Variants in RAB3IP observed in about 807,000 individuals in gnomAD.
RAB3IP encodes the protein rab-3A-interacting protein.
Under a neutral mutation model 59.1 loss-of-function variants are expected in RAB3IP, and 36 were observed. The observed-to-expected ratio is 0.61, with a 90% confidence interval of 0.47 to 0.80. The LOEUF (loss-of-function observed/expected upper bound fraction) is 0.80, where lower values mean the gene tolerates loss of function less well. RAB3IP is among the 30% of genes least tolerant of loss of function. RAB3IP has a pLI of 0.00. For synonymous variants in RAB3IP, 207 were observed against 191.2 expected (o/e 1.08, Z -0.68); for missense variants, 511 against 536.0 (o/e 0.95, Z 0.46).
intron 8 of RAB3IP, among the ~76,000 whole-genome samples, chr12:69,802,769 T>G (rs1327677631): frequency 6.6e-6 from 1 of 152,204 alleles, no homozygotes; most frequent in Non-Finnish European, 1.5e-5. Flanking sequence ...TTCTATTCCC[T>G]GTTACGCACG....
chr12:69,770,070 C>T (rs956645486), intron 3 of RAB3IP, among the ~76,000 whole-genome samples: 1 of 152,084 alleles, frequency 6.6e-6, no homozygotes, highest in Non-Finnish European at 1.5e-5. Flanking sequence ...AAGTCTATGT[C>T]TTCATCAGTT....
intron 4 of RAB3IP, among the ~76,000 whole-genome samples, chr12:69,792,249 C>G (rs1599745): frequency 6.6e-6 from 1 of 152,074 alleles, no homozygotes; most frequent in East Asian, 1.9e-4. Flanking sequence ...ACGACTATAT[C>G]GTATGTTACA....
At chr12:69,814,538 G>A (rs928078129) in intron 10 of RAB3IP, among the ~76,000 whole-genome samples, 2 of 152,002 alleles carry the variant, frequency 1.3e-5, no homozygotes, top group Non-Finnish European at 2.9e-5. Context: ...ACGGTCTTGT[G>A]CATTTGTAAG....
In RAB3IP at chr12:69,756,518, C is replaced by T. The variant is rs1565877731; in HGVS notation, c.365C>T (p.Ala122Val). The change falls in exon 3 of 11, where the codon GCT becomes GTT. Residue 122 changes from alanine (A) to valine (V), a missense_variant. Physicochemically the swap from Ala to Val is moderately conservative, Grantham distance 64. Transcript: ENST00000247833. ...YNAEREFLQG[A>V]TITEACDGSD... ...GCAGAGAGAGAGTTTTTACAGGGTG[C>T]TACTATAACAGAGGCTTGCGATGGC... The T allele has an allele frequency of 6.2e-7, 1 of 1,613,998 alleles. No homozygotes were observed. Among genetic ancestry groups the T allele is most frequent in the Middle Eastern group, 1.6e-4 (1 of 6,062 alleles).
intron 10 of RAB3IP, 49 bp from the exon 11 acceptor site, chr12:69,815,315 T>C: frequency 7.7e-7 from 1 of 1,297,358 alleles, no homozygotes; most frequent in South Asian, 1.2e-5. Flanking sequence ...TTAAAAATAA[T>C]GAAGATGGTA....
intron 3 of RAB3IP, among the ~76,000 whole-genome samples, chr12:69,780,946 C>G (rs933760233): frequency 6.6e-6 from 1 of 152,006 alleles, no homozygotes; most frequent in African/African-American, 2.4e-5. Flanking sequence ...TGTCTCTTCC[C>G]TTTTCCTGTA....
At chr12:69,803,038 C>G (rs928772063) in intron 8 of RAB3IP, among the ~76,000 whole-genome samples, 2 of 152,106 alleles carry the variant, frequency 1.3e-5, no homozygotes, top group African/African-American at 2.4e-5. Context: ...TTTTTAAGGT[C>G]TGTGTCATGC....
At chr12:69,798,924 T>C (rs1476116650) in intron 6 of RAB3IP, among the ~76,000 whole-genome samples, 1 of 152,178 alleles carries the variant, frequency 6.6e-6, no homozygotes, top group Non-Finnish European at 1.5e-5. Context: ...ACATCTCTTA[T>C]TAGAGCCAGG....
chr12:69,748,617 G>A (rs546062426), intron 1 of RAB3IP, among the ~76,000 whole-genome samples: 90 of 152,304 alleles, frequency 5.9e-4, no homozygotes, highest in Admixed American at 1.0e-3. Context: ...AATAAGGCCA[G>A]CCAAGTTGTG....
chr12:69,779,952 T>G (rs994049266), intron 3 of RAB3IP, among the ~76,000 whole-genome samples: 3 of 152,226 alleles, frequency 2.0e-5, no homozygotes, highest in Non-Finnish European at 4.4e-5. Flanking sequence ...TATTCAAGTC[T>G]TTGCAGTGTG....
rs1881261076 is a variant in RAB3IP, at chr12:69,817,566, C to G, written c.*2120C>G. Reference sequence around the variant, plus strand: ...GTGGCTCATGCCTGTAATCCCAGCACTTTGGGAGGCAGAGGCAGAAGGATT... The same window carrying G: ...GTGGCTCATGCCTGTAATCCCAGCAGTTTGGGAGGCAGAGGCAGAAGGATT... On this transcript the variant is annotated 3_prime_UTR_variant, in exon 11 of 11. Coordinates refer to ENST00000247833, the MANE Select transcript of RAB3IP (RefSeq NM_022456.5). 6.6e-6 allele frequency: 1 copy of G among 151,582 alleles called. No individual in the cohort carries two copies. The highest frequency in any genetic ancestry group is 2.1e-4 in the South Asian group (1 of 4,794). 9.4% of individuals were successfully genotyped at this position (151,582 alleles called of 1,614,324 possible). A position where few individuals can be genotyped will look rare whatever the true frequency, so the allele number is the denominator to read the frequency against.
At chr12:69,743,038 G>A (rs1194136302) in intron 1 of RAB3IP, among the ~76,000 whole-genome samples, 1 of 152,194 alleles carries the variant, frequency 6.6e-6, no homozygotes, top group Non-Finnish European at 1.5e-5. Context: ...CATAATGGCA[G>A]TTGATGAAAT....
chr12:69,744,858 A>G (rs1024828952), intron 1 of RAB3IP, among the ~76,000 whole-genome samples: 1 of 152,044 alleles, frequency 6.6e-6, no homozygotes. Context: ...TAAAAGATAA[A>G]TGTGATTTTT....
intron 3 of RAB3IP, among the ~76,000 whole-genome samples, chr12:69,770,024 CAGAA>C (rs778357215): frequency 7.3e-5 from 11 of 151,652 alleles, no homozygotes; most frequent in Non-Finnish European, 1.5e-4. Flanking sequence ...GACATCAAAA[CAGAA>C]AGGCACAAAA....
chr12:69,741,325 G>T (rs1022476424), intron 1 of RAB3IP, among the ~76,000 whole-genome samples: 2 of 152,190 alleles, frequency 1.3e-5, no homozygotes, highest in Non-Finnish European at 2.9e-5. Context: ...CTTAGTTGTA[G>T]GTGGTCGTAC....
Position 69,756,366 on chromosome 12 carries a change from A to C in RAB3IP, c.252-39A>C. ...GTTTAAGCCAGTTCTATTGGAGCAT[A>C]TGCTGATATTTTCTGAAAAATGTCT... On this transcript the variant is annotated intron_variant, in intron 2 of 10. Transcript: ENST00000247833. 3 of 1,602,938 alleles carry C rather than the reference A, an allele frequency of 1.9e-6. No homozygotes were observed. In the South Asian group the frequency reaches 3.4e-5, roughly 18 times the overall value.
intron 8 of RAB3IP, among the ~76,000 whole-genome samples, 178 bp downstream of exon 8, chr12:69,801,899 G>T (rs1214092442): frequency 2.0e-5 from 3 of 149,954 alleles, no homozygotes; most frequent in African/African-American, 4.9e-5. Flanking sequence ...TAGTATTTCA[G>T]ATTTAGCATT....
At chr12:69,807,950 A>G (rs10219700) in intron 8 of RAB3IP, among the ~76,000 whole-genome samples, 132,936 of 151,998 alleles carry the variant, frequency 0.87, 58,449 homozygotes, top group Admixed American at 0.93. Flanking sequence ...CGGGTTGGCC[A>G]GGCAGATCTC....
Position 69,795,248 on chromosome 12 carries a change from A to T in RAB3IP, c.792A>T (p.Lys264Asn). 6.2e-7 allele frequency: 1 copy of T among 1,614,118 alleles called. No homozygotes were observed. The highest frequency in any genetic ancestry group is 2.2e-5 in the East Asian group (1 of 44,886). ...TGCCAGGTGGAAAGACACCTTTTAA[A>T]AAGGGGCATACAAGAAATAAAAGCA... ...EPLPGGKTPF[K>N]KGHTRNKSTS... is the part of the protein sequence containing the mutation. Residue 264 changes from lysine (K) to asparagine (N), a missense_variant, in exon 6 of 11, where the codon AAA (lysine) becomes AAT (asparagine). Physicochemically the swap from Lys to Asn is moderately conservative, Grantham distance 94 (BLOSUM62 0). Transcript: ENST00000247833.
Sources: gnomAD v4.1 joint callset for allele counts (sites outside exome capture counted in the v4.1 genomes callset) on GRCh38, gnomAD v4.1.1 for gene constraint, MANE v1.5 for transcripts, NCBI Gene and HGNC (gene_info 2026-07-23, HGNC 2026-07-21) for gene names.